COL13A1: variants seen among roughly 807,000 people sequenced by gnomAD.
COL13A1 encodes the protein collagen type XIII alpha 1 chain.
In COL13A1, 89 loss-of-function variants were observed where a neutral mutation model predicts 130.9. The ratio of observed to expected loss-of-function variants is 0.68; its 90% CI spans 0.57 to 0.81. The LOEUF is 0.81. Ranked by LOEUF, COL13A1 falls within the 30% of genes least tolerant of loss-of-function variation. The pLI is 0.00. For missense variants in COL13A1, 879 were observed against 934.6 expected (o/e 0.94, Z 0.78); for synonymous variants, 402 against 341.6 (o/e 1.18, Z -1.95).
intron 2 of COL13A1, among the ~76,000 whole-genome samples, chr10:69,839,744 A>C (rs1030659372): frequency 6.7e-6 from 1 of 148,258 alleles, no homozygotes; most frequent in African/African-American, 2.5e-5. Flanking sequence ...GGTGTGTCTG[A>C]AGAAGAGAAA....
At chr10:69,877,656 TTCTC>T (rs137880508) in intron 5 of COL13A1, 2 of 150,622 alleles carry the variant, frequency 1.3e-5, no homozygotes, top group East Asian at 1.5e-4. Flanking sequence ...TTGTCTGGCT[TTCTC>T]TCTCTCTCTC....
chr10:69,866,311 C>T (rs1186500554), intron 2 of COL13A1, among the ~76,000 whole-genome samples: 1 of 152,198 alleles, frequency 6.6e-6, no homozygotes, highest in Non-Finnish European at 1.5e-5. Flanking sequence ...ATCACCAGAG[C>T]CTGCCACAGT....
chr10:69,847,813 A>C (rs967471647), intron 2 of COL13A1, among the ~76,000 whole-genome samples: 1 of 152,258 alleles, frequency 6.6e-6, no homozygotes, highest in African/African-American at 2.4e-5. Context: ...CCCCACAGAA[A>C]CAGCAAAGAA....
rs1328695419 is a variant in COL13A1, at chr10:69,923,873, T to C, written c.1284+18T>C. ...GAGACAAGGTACAGAGACCCCCACA[T>C]CCCAGAGCTGCAAGATGAGGGTCAG... On this transcript the variant is annotated intron_variant, in intron 24 of 40. Transcript: ENST00000645393. The C allele has an allele frequency of 6.2e-7, 1 of 1,609,754 alleles. No individual in the cohort carries two copies.
chr10:69,903,623 G>A (rs540452306), intron 15 of COL13A1, among the ~76,000 whole-genome samples: 1 of 152,364 alleles, frequency 6.6e-6, no homozygotes, highest in East Asian at 1.9e-4. Context: ...TATTGGAGAG[G>A]CAGGTAAAGG....
chr10:69,884,308 A>C (rs1430228547), intron 7 of COL13A1, among the ~76,000 whole-genome samples: 1 of 152,200 alleles, frequency 6.6e-6, no homozygotes, highest in Non-Finnish European at 1.5e-5. Flanking sequence ...TATACCACAG[A>C]CATTGGCAGG....
At chr10:69,872,956 C>G (rs1427215211) in intron 4 of COL13A1, among the ~76,000 whole-genome samples, 3 of 152,198 alleles carry the variant, frequency 2.0e-5, no homozygotes, top group African/African-American at 7.2e-5. Flanking sequence ...ACCTTCAAAA[C>G]CCACCTTTAA....
chr10:69,937,784 C>T (rs2067132159), intron 34 of COL13A1, 69 bp downstream of exon 34: 4 of 750,344 alleles, frequency 5.3e-6, no homozygotes, highest in Admixed American at 4.2e-5. Flanking sequence ...GACTGGGGGA[C>T]AGCCAGCGGA....
chr10:69,904,225 C>T (rs1340817368), intron 15 of COL13A1, among the ~76,000 whole-genome samples: 1 of 152,166 alleles, frequency 6.6e-6, no homozygotes, highest in African/African-American at 2.4e-5. Flanking sequence ...CCCCACCCCC[C>T]TCCTAACACT....
At chr10:69,876,202 C>T (rs975191330) in intron 5 of COL13A1, among the ~76,000 whole-genome samples, 2 of 152,182 alleles carry the variant, frequency 1.3e-5, no homozygotes, top group African/African-American at 2.4e-5. Context: ...CCTACTCTTC[C>T]GATGAGAAAA....
chr10:69,851,286 G>A (rs1052228736), intron 2 of COL13A1, among the ~76,000 whole-genome samples: 3 of 152,236 alleles, frequency 2.0e-5, no homozygotes, highest in African/African-American at 7.2e-5. Flanking sequence ...AAATCAGGAA[G>A]GGAGCTCCCC....
chr10:69,902,031 G>C (rs1333836022), intron 14 of COL13A1, among the ~76,000 whole-genome samples: 2 of 152,186 alleles, frequency 1.3e-5, no homozygotes, highest in African/African-American at 4.8e-5. Context: ...CAGGCTGTGT[G>C]TGAGAAGGGC....
rs1047758104 is a variant in COL13A1, at chr10:69,944,275, C to T, written c.1968+97C>T. ...CTCAGCCCTCATGCCTTCCTTCTTC[C>T]ATCTCTTCTCCTGGTCATCCTCACA... On this transcript the variant is annotated intron_variant, in intron 36 of 40. Transcript: ENST00000645393. The T allele has an allele frequency of 2.2e-5, 23 of 1,026,724 alleles. No individual in the cohort carries two copies. The African/African-American group carries it at 3.5e-4, about 15-fold the overall frequency. The allele number at this position is 1,026,724 out of a possible 1,614,324, so 63.6% of individuals were successfully genotyped here.
At chr10:69,938,502 G>A (rs1039620363) in intron 34 of COL13A1, among the ~76,000 whole-genome samples, 33 of 152,270 alleles carry the variant, frequency 2.2e-4, no homozygotes, top group African/African-American at 7.5e-4. Flanking sequence ...GAAGAAAGTG[G>A]GTCACTGGAG....
chr10:69,861,772 GTGAT>G (rs1283919295), intron 2 of COL13A1, among the ~76,000 whole-genome samples: 3 of 152,206 alleles, frequency 2.0e-5, no homozygotes, highest in Non-Finnish European at 2.9e-5. Flanking sequence ...TTAAGGAGCT[GTGAT>G]TGATTATCAG....
At chr10:69,828,050 A>G (rs1031976927) in intron 2 of COL13A1, among the ~76,000 whole-genome samples, 3 of 152,206 alleles carry the variant, frequency 2.0e-5, no homozygotes, top group Admixed American at 6.5e-5. Context: ...TATTTAAACT[A>G]AAGGTATACT....
At chr10:69,891,891 C>T (rs1158997097) in intron 10 of COL13A1, among the ~76,000 whole-genome samples, 2 of 152,182 alleles carry the variant, frequency 1.3e-5, no homozygotes, top group African/African-American at 4.8e-5. Context: ...CTCCTAAATA[C>T]AACAGCTGAG....
intron 2 of COL13A1, among the ~76,000 whole-genome samples, chr10:69,828,802 A>G (rs1008946502): frequency 2.0e-5 from 3 of 152,234 alleles, no homozygotes; most frequent in Admixed American, 6.5e-5. Flanking sequence ...CCACTGGGAC[A>G]AGTAATTTGT....
rs375964112 is a variant in COL13A1, at chr10:69,871,317, A to C, written c.373-867A>C. On this transcript the variant is annotated intron_variant, in intron 3 of 40. Coordinates refer to ENST00000645393, the MANE Select transcript of COL13A1 (RefSeq NM_001368882.1). The stretch of plus-strand genomic sequence containing the variant: ...CATTCGTAAATGTGTCTTGAGGATT[A>C]CTGAGAGGTCCACATTGCTGAGGCA... 1.2e-4 allele frequency among the ~76,000 whole-genome samples: 18 copies of C among 152,298 alleles called. No homozygotes were observed. The East Asian group carries it at 2.7e-3, about 23-fold the overall frequency.
Sources: allele counts gnomAD v4.1 joint callset (sites outside exome capture counted in the v4.1 genomes callset), GRCh38; gene constraint gnomAD v4.1.1; transcripts MANE v1.5; gene names NCBI Gene and HGNC (gene_info 2026-07-23, HGNC 2026-07-21).